Variants in NFIX observed in about 807,000 individuals in gnomAD.
The protein encoded by NFIX is nuclear factor I X, also known as nuclear factor 1 X-type.
A neutral mutation model predicts 53.3 loss-of-function variants in NFIX; 2 were observed. The observed-to-expected ratio is 0.04, with a 90% CI of 0.02 to 0.12. The LOEUF (loss-of-function observed/expected upper bound fraction) is 0.12, where lower values mean the gene tolerates loss of function less well. Among genes scored for constraint, NFIX ranks in the 10% least tolerant of loss-of-function variants. The pLI is 1.00. For synonymous variants in NFIX, 244 were observed against 289.0 expected, an observed-to-expected ratio of 0.84 and a Z score of 1.58; for missense variants, 310 against 674.5, an observed-to-expected ratio of 0.46 and a Z score of 5.99.
At position 13,047,238 on chromosome 19, in the gene NFIX, C is replaced by CT. The variant is rs912423835; in HGVS notation, c.559+21697dup. 8.6e-4 allele frequency among the ~76,000 whole-genome samples: 126 copies of CT among 146,420 alleles called. 2 individuals are homozygous for CT. The highest frequency in any genetic ancestry group is 3.3e-3 in the Admixed American group (49 of 14,664). On this transcript the variant is annotated intron_variant, in intron 2 of 10. Transcript: ENST00000592199. ...CTTATTCTTTTTTCTTTCTTTCTTT[C>CT]TTTTTTTTTTTAAAGTAGGACGCCT... is the stretch of plus-strand genomic sequence containing the variant.
rs150864444 is a variant in NFIX, at chr19:13,020,826, C to T, written c.28-4195C>T. 9.2e-5 allele frequency among the ~76,000 whole-genome samples: 14 copies of T among 152,266 alleles called. No homozygotes were observed. In the East Asian group the frequency reaches 2.5e-3, roughly 27 times the overall value. On this transcript the variant is annotated intron_variant, in intron 1 of 10. Transcript: ENST00000592199. ...GCATCTTGTCCTGTTTCCCTAACTTCTACATGGATCCTTCCATCTGTCATT... is the reference window on the plus strand; with the variant it reads ...GCATCTTGTCCTGTTTCCCTAACTTTTACATGGATCCTTCCATCTGTCATT...
chr19:12,998,723 G>A lies in NFIX; in HGVS notation c.27+2859G>A, dbSNP rs868080282. The stretch of plus-strand genomic sequence containing the variant: ...TGTTCACACCGATGTCCAGACCCAC[G>A]ACCATCGACGAGCCTACAGACCTAC... On this transcript the variant is annotated intron_variant, in intron 1 of 10. Coordinates refer to ENST00000592199, the MANE Select transcript of NFIX (RefSeq NM_001365902.3). The surrounding 1 kb of genome is among the most constrained non-coding windows in gnomAD (Gnocchi z 4.4). 6.6e-5 allele frequency among the ~76,000 whole-genome samples: 10 copies of A among 152,200 alleles called. No homozygotes were observed. The South Asian group carries it at 1.7e-3, about 25-fold the overall frequency.
intron 2 of NFIX, among the ~76,000 whole-genome samples, chr19:13,058,956 C>A (rs1329708251): frequency 3.9e-5 from 6 of 152,124 alleles, no homozygotes; most frequent in Non-Finnish European, 7.4e-5. Flanking sequence ...GGTCCCCACT[C>A]TTCCCCGGAG....
chr19:12,999,334 G>A (rs545356862), intron 1 of NFIX, among the ~76,000 whole-genome samples: 5 of 151,908 alleles, frequency 3.3e-5, no homozygotes, highest in South Asian at 2.1e-4. Flanking sequence ...CACCACGCCC[G>A]GGTAATTTCT....
intron 2 of NFIX, among the ~76,000 whole-genome samples, chr19:13,058,247 C>T (rs2015837154): frequency 6.6e-6 from 1 of 152,090 alleles, no homozygotes; most frequent in Non-Finnish European, 1.5e-5. Flanking sequence ...GGGATCTGTC[C>T]TCAGGAAAGC....
chr19:13,015,688 C>T (rs756133650), intron 1 of NFIX, among the ~76,000 whole-genome samples: 8 of 152,186 alleles, frequency 5.3e-5, no homozygotes, highest in Admixed American at 1.3e-4. Context: ...TTCAGCTCGG[C>T]GGGTCCTGTT....
chr19:13,075,429 C>G lies in NFIX; in HGVS notation c.819-106C>G, dbSNP rs1599847893. 16 of 1,293,070 alleles carry G rather than the reference C, an allele frequency of 1.2e-5. 1 individual carries two copies. In the East Asian group the frequency reaches 4.1e-4, roughly 33 times the overall value. 80.1% of individuals were successfully genotyped at this position (1,293,070 alleles called of 1,614,324 possible). A position where few individuals can be genotyped will look rare whatever the true frequency, so the allele number is the denominator to read the frequency against. On this transcript the variant is annotated intron_variant, in intron 5 of 10. Coordinates refer to ENST00000592199, the MANE Select transcript of NFIX (RefSeq NM_001365902.3). ...ATGCTGCTGTCGGCCGGCACCACTCCCCACCCAGAGGGCCATCTATGCACA... is the reference window on the plus strand; with the variant it reads ...ATGCTGCTGTCGGCCGGCACCACTCGCCACCCAGAGGGCCATCTATGCACA...
rs562462967 is a variant in NFIX at position 13,063,736 on chromosome 19, C to T, written c.560-9311C>T. ...CTTCCTGCCTTCTCGCATCCCTCCTCCAAACTCCTGCTTGTCCCAGGCGCA... is the reference window on the plus strand; with the variant it reads ...CTTCCTGCCTTCTCGCATCCCTCCTTCAAACTCCTGCTTGTCCCAGGCGCA... On this transcript the variant is annotated intron_variant, in intron 2 of 10. Coordinates refer to ENST00000592199, the MANE Select transcript of NFIX (RefSeq NM_001365902.3). Among the ~76,000 whole-genome samples the T allele has an allele frequency of 2.3e-3, 356 of 152,280 alleles. 1 individual carries two copies. Among genetic ancestry groups the T allele is most frequent in the Non-Finnish European group, 3.5e-3 (235 of 68,028 alleles).
chr19:13,029,631 G>C (rs1254380073), intron 2 of NFIX, among the ~76,000 whole-genome samples: 2 of 152,192 alleles, frequency 1.3e-5, no homozygotes, highest in Admixed American at 6.5e-5. Flanking sequence ...GTGATTCAGT[G>C]AGTGTGGTGC....
rs928913871 is a variant in NFIX, at chr19:13,040,675, A to G, written c.559+15123A>G. 1.3e-5 allele frequency among the ~76,000 whole-genome samples: 2 copies of G among 152,152 alleles called. No individual in the cohort carries two copies. The highest frequency in any genetic ancestry group is 6.5e-5 in the Admixed American group (1 of 15,270). ...ATGACTGCCGTCCTCCAGCTGGTAC[A>G]TGTGCTTGCGGCTCTGGTAGCTGGG... is the stretch of plus-strand genomic sequence containing the variant. On this transcript the variant is annotated intron_variant, in intron 2 of 10. Transcript: ENST00000592199. This position sits in a 1 kb window ranked among gnomAD's most constrained non-coding sequence, Gnocchi z 4.2.
At chr19:13,065,227 G>A (rs912033241) in intron 2 of NFIX, among the ~76,000 whole-genome samples, 2 of 152,202 alleles carry the variant, frequency 1.3e-5, no homozygotes, top group African/African-American at 2.4e-5. Flanking sequence ...CAGACCAAGG[G>A]CACCTCCCTG....
Position 13,081,902 on chromosome 19 carries a change from A to G in NFIX, c.1254+47A>G, listed in dbSNP as rs768411479. ...AGCCCGGCTACAGCCTCATCTCCAC[A>G]TCTATCTGTCTGTCTCAGGGCTCAC... On this transcript the variant is annotated intron_variant, in intron 8 of 10. Coordinates refer to ENST00000592199, the MANE Select transcript of NFIX (RefSeq NM_001365902.3). This position sits in a 1 kb window ranked among gnomAD's most constrained non-coding sequence, Gnocchi z 4.7. 5 of 1,601,276 alleles carry G rather than the reference A, an allele frequency of 3.1e-6. No individual in the cohort carries two copies. Among genetic ancestry groups the G allele is most frequent in the Non-Finnish European group, 4.3e-6 (5 of 1,171,982 alleles).
chr19:13,041,099 C>A (rs1002833198), intron 2 of NFIX, among the ~76,000 whole-genome samples: 4 of 152,190 alleles, frequency 2.6e-5, no homozygotes, highest in Admixed American at 2.0e-4. Flanking sequence ...ATGACAGTAA[C>A]ATGAGGACAT....
At chr19:13,079,933 C>T (rs909709703) in intron 7 of NFIX, among the ~76,000 whole-genome samples, 2 of 152,226 alleles carry the variant, frequency 1.3e-5, no homozygotes, top group African/African-American at 2.4e-5. Flanking sequence ...ATGAGAACAC[C>T]GCCTAGGTGG....
rs997900540 is a variant in NFIX, at chr19:13,028,061, G to T, written c.559+2509G>T. 1.3e-5 allele frequency among the ~76,000 whole-genome samples: 2 copies of T among 152,222 alleles called. No individual in the cohort carries two copies. Among genetic ancestry groups the T allele is most frequent in the Non-Finnish European group, 2.9e-5 (2 of 68,050 alleles). ...TTGGAGTTGGGTTGGGTGGTCTTGA[G>T]ATGGCACAGACCAGGCATGGCTTGC... On this transcript the variant is annotated intron_variant, in intron 2 of 10. Coordinates refer to ENST00000592199, the MANE Select transcript of NFIX (RefSeq NM_001365902.3). The surrounding 1 kb of genome is among the most constrained non-coding windows in gnomAD (Gnocchi z 4.2).
rs947550411 is a variant in NFIX at position 13,052,138 on chromosome 19, G to A, written c.560-20909G>A. Among the ~76,000 whole-genome samples, 6 of 152,148 alleles carry A rather than the reference G, an allele frequency of 3.9e-5. No individual in the cohort carries two copies. Among genetic ancestry groups the A allele is most frequent in the Non-Finnish European group, 8.8e-5 (6 of 68,026 alleles). Reference sequence around the variant, plus strand: ...GCAGCTGCCTGCCCTTGCACCTCTGGGGGCTTGTTAAAATGCAGATCCTGG... The same window carrying A: ...GCAGCTGCCTGCCCTTGCACCTCTGAGGGCTTGTTAAAATGCAGATCCTGG... On this transcript the variant is annotated intron_variant, in intron 2 of 10. Coordinates refer to ENST00000592199, the MANE Select transcript of NFIX (RefSeq NM_001365902.3). This position sits in a 1 kb window ranked among gnomAD's most constrained non-coding sequence, Gnocchi z 5.2.
In NFIX at chr19:13,002,862, AC is replaced by A. The variant is rs2011792633; in HGVS notation, c.27+7001del. Among the ~76,000 whole-genome samples the A allele has an allele frequency of 6.6e-6, 1 of 152,118 alleles. No homozygotes were observed. Among genetic ancestry groups the A allele is most frequent in the African/African-American group, 2.4e-5 (1 of 41,510 alleles). On this transcript the variant is annotated intron_variant, in intron 1 of 10. Transcript: ENST00000592199. The surrounding 1 kb of genome is among the most constrained non-coding windows in gnomAD (Gnocchi z 6.1). ...GCAGTGCCCACCACCATCGCCAAGGACCCTGCCCCCTCAGCTGAAGCTCAGT... is the reference window on the plus strand; with the variant it reads ...GCAGTGCCCACCACCATCGCCAAGGACCTGCCCCCTCAGCTGAAGCTCAGT...
intron 1 of NFIX, 155 bp from the exon 2 acceptor site, chr19:13,024,866 G>A: frequency 7.6e-7 from 1 of 1,322,970 alleles, no homozygotes; most frequent in South Asian, 1.3e-5. Flanking sequence ...AATCGCAAGA[G>A]AAAATTGTTG....
intron 2 of NFIX, among the ~76,000 whole-genome samples, chr19:13,053,844 G>A (rs960702580): frequency 6.6e-6 from 1 of 152,076 alleles, no homozygotes; most frequent in Non-Finnish European, 1.5e-5. Flanking sequence ...GACAGGAGGG[G>A]GTGGTGTGTG....
Sources: gnomAD v4.1 joint callset for allele counts (sites outside exome capture counted in the v4.1 genomes callset) on GRCh38, gnomAD v4.1.1 for gene constraint, Gnocchi (gnomAD v3.1) non-coding constraint, MANE v1.5 for transcripts, NCBI Gene and HGNC (gene_info 2026-07-23, HGNC 2026-07-21) for gene names.